The following AVEN variants were observed in gnomAD, a reference collection of about 807,000 sequenced individuals.
AVEN encodes apoptosis and caspase activation inhibitor.
In AVEN, 41 loss-of-function variants were observed where a neutral mutation model predicts 38.1. The observed-to-expected ratio is 1.08, with a 90% CI of 0.84 to 1.40. The LOEUF is 1.40. Ranked by LOEUF, AVEN falls within the 40% of genes most tolerant of loss-of-function variation. AVEN has a pLI of 0.00. For missense variants in AVEN, 605 were observed against 438.8 expected (o/e 1.38, Z -3.38); for synonymous variants, 206 against 171.8 (o/e 1.20, Z -1.56).
chr15:33,854,400 T>C (rs377310965), downstream of AVEN: 149 of 1,574,552 alleles, frequency 9.5e-5, no homozygotes, highest in Non-Finnish European at 1.2e-4. Context: ...CTAAGTTCCA[T>C]AGACATGAAG....
At chr15:33,910,920 T>C (rs934057740) in intron 2 of AVEN, among the ~76,000 whole-genome samples, 4 of 152,160 alleles carry the variant, frequency 2.6e-5, no homozygotes, top group Admixed American at 1.3e-4. Context: ...AATAATATCT[T>C]AGGAGACGTC....
At chr15:33,895,377 G>A (rs565652050) in intron 2 of AVEN, among the ~76,000 whole-genome samples, 8 of 150,980 alleles carry the variant, frequency 5.3e-5, no homozygotes, top group African/African-American at 1.7e-4. Context: ...CCAGTATGGA[G>A]TGCAGTGGTG....
intron 2 of AVEN, among the ~76,000 whole-genome samples, chr15:33,965,847 A>G (rs1895362040): frequency 6.6e-6 from 1 of 152,184 alleles, no homozygotes; most frequent in South Asian, 2.1e-4. Flanking sequence ...AGATCTCTGA[A>G]CAATACAGTT....
chr15:33,944,868 T>C lies in AVEN; in HGVS notation c.445+58164A>G, dbSNP rs117488692. Among the ~76,000 whole-genome samples the C allele has an allele frequency of 8.3e-3, 1,240 of 150,234 alleles. 10 individuals are homozygous for C. Among genetic ancestry groups the C allele is most frequent in the Non-Finnish European group, 0.014 (954 of 67,608 alleles). ...AAAAGAGAAAACCTTGAAGTAAAAA[T>C]GATAGAAATGCCTTTCCATTAAAGC... On this transcript the variant is annotated intron_variant, in intron 2 of 5. Transcript: ENST00000306730.
At chr15:33,862,997 A>T (rs1888982026), downstream of AVEN, among the ~76,000 whole-genome samples, 1 of 152,200 alleles carries the variant, frequency 6.6e-6, no homozygotes, top group Non-Finnish European at 1.5e-5. Flanking sequence ...TTAAGAGAAT[A>T]TACATCTTAA....
At chr15:33,953,050 G>A (rs1894813508) in intron 2 of AVEN, among the ~76,000 whole-genome samples, 1 of 152,010 alleles carries the variant, frequency 6.6e-6, no homozygotes, top group South Asian at 2.1e-4. Context: ...GCTACAAAGA[G>A]AATAAAATAC....
intron 4 of AVEN, chr15:34,064,118 C>A (rs749089359): frequency 1.5e-5 from 25 of 1,614,206 alleles, no homozygotes; most frequent in Non-Finnish European, 2.0e-5. Flanking sequence ...TTTCTACCTT[C>A]TGTGACAAGT....
chr15:33,923,564 G>A (rs939993356), intron 2 of AVEN, among the ~76,000 whole-genome samples: 2 of 152,198 alleles, frequency 1.3e-5, no homozygotes, highest in African/African-American at 4.8e-5. Context: ...AGCTGCTATA[G>A]TGCAAAGGCA....
At chr15:33,863,264 G>T (rs1362778642), downstream of AVEN, among the ~76,000 whole-genome samples, 1 of 152,144 alleles carries the variant, frequency 6.6e-6, no homozygotes. Flanking sequence ...CAGCCCCTAC[G>T]TATCAAACAG....
In AVEN at chr15:33,931,370, T is replaced by C. The variant is rs1381457406; in HGVS notation, c.446-55375A>G. ...TTTTCTTTTTTTTTTTTTTTTTTTT[T>C]TTTTTTTTTTTTTTTTTTGAGACGG... On this transcript the variant is annotated intron_variant, in intron 2 of 5. Coordinates refer to ENST00000306730, the MANE Select transcript of AVEN (RefSeq NM_020371.3). 3.5e-4 allele frequency among the ~76,000 whole-genome samples: 24 copies of C among 69,354 alleles called. No homozygotes were observed. The South Asian group carries it at 9.5e-3, about 27-fold the overall frequency. The allele number at this position is 69,354 out of a possible 152,430, so 45.5% of individuals were successfully genotyped here. A position where few individuals can be genotyped will look rare whatever the true frequency, so the allele number is the denominator to read the frequency against.
At chr15:33,935,061 G>A (rs1451570143) in intron 2 of AVEN, among the ~76,000 whole-genome samples, 1 of 152,116 alleles carries the variant, frequency 6.6e-6, no homozygotes, top group Non-Finnish European at 1.5e-5. Flanking sequence ...TCTTTCCCGG[G>A]GTGGAACGAT....
downstream of AVEN, among the ~76,000 whole-genome samples, chr15:33,862,447 T>G (rs1373932964): frequency 1.3e-5 from 2 of 152,042 alleles, no homozygotes; most frequent in East Asian, 3.9e-4. Context: ...GCTCAAGCTA[T>G]CCACCCACCT....
At position 34,003,065 on chromosome 15, in the gene AVEN, C is replaced by G. The variant is rs753550469; in HGVS notation, c.412G>C (p.Gly138Arg). The change falls in exon 2 of 6, where the codon GGA becomes CGA. Residue 138 changes from glycine to arginine, a missense_variant. Transcript: ENST00000306730. ...VNNESGESQR[G>R]TDFSVLLSSA... ...CTAAGGAGGACACTGAAATCTGTTC[C>G]CCTCTGTGACTCTCCACTTTCATTA... The G allele has an allele frequency of 6.2e-7, 1 of 1,613,862 alleles. No homozygotes were observed. The highest frequency in any genetic ancestry group is 8.5e-7 in the Non-Finnish European group (1 of 1,179,890).
chr15:33,921,436 T>TGAGA (rs35482658), intron 2 of AVEN, among the ~76,000 whole-genome samples: 1 of 151,384 alleles, frequency 6.6e-6, no homozygotes, highest in Non-Finnish European at 1.5e-5. Flanking sequence ...GGGAGGAGAG[T>TGAGA]GAGAGAGAGT....
At chr15:33,900,167 T>C (rs958399697) in intron 2 of AVEN, among the ~76,000 whole-genome samples, 2 of 152,146 alleles carry the variant, frequency 1.3e-5, no homozygotes, top group African/African-American at 4.8e-5. Context: ...AGTTGTTCTA[T>C]TGGAAATGAG....
chr15:33,933,056 C>A (rs919434206), intron 2 of AVEN, among the ~76,000 whole-genome samples: 1 of 152,030 alleles, frequency 6.6e-6, no homozygotes, highest in Admixed American at 6.6e-5. Context: ...GGATCCCATT[C>A]AAAAATGTTT....
At chr15:33,861,318 A>C (rs190467082), downstream of AVEN, 4 of 583,302 alleles carry the variant, frequency 6.9e-6, no homozygotes, top group South Asian at 3.8e-5. Context: ...ACCTTTGTCC[A>C]TAGACTCTGT....
intron 1 of AVEN, among the ~76,000 whole-genome samples, chr15:34,022,991 G>A (rs1317120511): frequency 6.6e-6 from 1 of 152,178 alleles, no homozygotes; most frequent in Non-Finnish European, 1.5e-5. Context: ...TTCAAGACTA[G>A]CTTGGCCAAC....
chr15:34,045,821 G>A (rs1006942332), intron 5 of AVEN, among the ~76,000 whole-genome samples: 9 of 152,126 alleles, frequency 5.9e-5, no homozygotes, highest in Admixed American at 5.9e-4. Flanking sequence ...TACCTTCTTT[G>A]ATTTTTATGT....
Sources: gnomAD v4.1 joint callset for allele counts (sites outside exome capture counted in the v4.1 genomes callset) on GRCh38, gnomAD v4.1.1 for gene constraint, MANE v1.5 for transcripts, NCBI Gene and HGNC (gene_info 2026-07-23, HGNC 2026-07-21) for gene names.